The following DCHS2 variants were observed in gnomAD, a reference collection of about 807,000 sequenced individuals.
DCHS2 encodes the protein protocadherin-23.
A neutral mutation model predicts 182.4 loss-of-function variants in DCHS2; 142 were observed. That is an observed-to-expected ratio of 0.78 (90% CI 0.68 to 0.89). The LOEUF is 0.89. Among genes scored for constraint, DCHS2 ranks in the 40% least tolerant of loss-of-function variants. The probability of loss-of-function intolerance (pLI) is 0.00; values close to 1 mark genes in which losing one functional copy is unlikely to be tolerated. For missense variants in DCHS2, 4,319 were observed against 4,198.6 expected (o/e 1.03, Z -0.79); for synonymous variants, 1,740 against 1,663.3 (o/e 1.05, Z -1.12).
chr4:154,236,819 A>G lies in DCHS2; in HGVS notation c.7833T>C (p.Tyr2611=), dbSNP rs1731539125. ...GCAACACAAGATAACCGACTTGCTT[A>G]TAAGGATATTCTGAATGAAAGAACT... ...ETKFFHSEYP[Y]KQVGYLVLLH... is the part of the protein sequence containing the mutation. The change falls in exon 20 of 20, where the codon TAT becomes TAC. Residue 2611 remains tyrosine (Y), a synonymous_variant. Transcript: ENST00000357232. The G allele has an allele frequency of 6.2e-7, 1 of 1,614,056 alleles. No individual in the cohort carries two copies. Among genetic ancestry groups the G allele is most frequent in the Non-Finnish European group, 8.5e-7 (1 of 1,179,966 alleles).
In DCHS2 at chr4:154,315,728, T is replaced by C; in HGVS notation, c.5260+20A>G. ...TTTCTTTTAAGCATTAAATACCCAGTTTCTGTATTTCTAAATTACCTGAAT... is the reference window on the plus strand; with the variant it reads ...TTTCTTTTAAGCATTAAATACCCAGCTTCTGTATTTCTAAATTACCTGAAT... On this transcript the variant is annotated intron_variant, in intron 10 of 19. Coordinates refer to ENST00000357232, the MANE Select transcript of DCHS2 (RefSeq NM_001358235.2). 1.2e-6 allele frequency: 2 copies of C among 1,608,204 alleles called. No homozygotes were observed. Among genetic ancestry groups the C allele is most frequent in the South Asian group, 1.1e-5 (1 of 89,994 alleles).
intron 12 of DCHS2, among the ~76,000 whole-genome samples, chr4:154,302,819 T>C (rs887014789): frequency 4.8e-5 from 7 of 147,216 alleles, no homozygotes; most frequent in African/African-American, 1.7e-4. Flanking sequence ...ATATTTCATA[T>C]ATATATACTT....
chr4:154,323,380 A>G, intron 7 of DCHS2: 1 of 1,539,552 alleles, frequency 6.5e-7, no homozygotes. Flanking sequence ...CCCAGGCTGG[A>G]GCGCAATTGT....
chr4:154,422,020 C>T (rs953634588), intron 1 of DCHS2, among the ~76,000 whole-genome samples: 1 of 152,172 alleles, frequency 6.6e-6, no homozygotes, highest in Admixed American at 6.5e-5. Context: ...CTCTTTACTT[C>T]ATGTTGGAAA....
At chr4:154,366,465 T>G in intron 2 of DCHS2, 24 bp from the exon 3 acceptor site, 1 of 1,540,714 alleles carries the variant, frequency 6.5e-7, no homozygotes, top group Non-Finnish European at 8.9e-7. Context: ...GAGTGGTGAT[T>G]ACAAATGGGT....
chr4:154,324,124 T>C (rs1487560041), intron 7 of DCHS2, among the ~76,000 whole-genome samples: 1 of 152,252 alleles, frequency 6.6e-6, no homozygotes, highest in Non-Finnish European at 1.5e-5. Flanking sequence ...CCAACTATGA[T>C]AAGTAAAATT....
At chr4:154,368,201 G>A (rs893313771) in intron 2 of DCHS2, among the ~76,000 whole-genome samples, 3 of 152,158 alleles carry the variant, frequency 2.0e-5, no homozygotes, top group Admixed American at 6.5e-5. Flanking sequence ...GACGTAGTAA[G>A]AGGGGACTGC....
intron 3 of DCHS2, among the ~76,000 whole-genome samples, chr4:154,355,971 T>C (rs1729841110): frequency 6.6e-6 from 1 of 152,198 alleles, no homozygotes; most frequent in African/African-American, 2.4e-5. Context: ...CTTTTTATTA[T>C]TTTAGAGTGC....
chr4:154,441,573 T>C (rs1334643013), intron 1 of DCHS2, among the ~76,000 whole-genome samples: 1 of 149,204 alleles, frequency 6.7e-6, no homozygotes, highest in Admixed American at 6.7e-5. Context: ...AAAAGTTTTT[T>C]CCTATTTTCA....
intron 3 of DCHS2, among the ~76,000 whole-genome samples, chr4:154,338,464 T>C (rs1325686244): frequency 1.3e-5 from 2 of 152,194 alleles, no homozygotes; most frequent in Admixed American, 6.5e-5. Flanking sequence ...CACTACCTCA[T>C]TTTTACCTCT....
chr4:154,323,223 G>C (rs1388873737), intron 7 of DCHS2: 4 of 1,547,798 alleles, frequency 2.6e-6, no homozygotes, highest in Non-Finnish European at 3.5e-6. Context: ...GGCAGATCTA[G>C]AGAACTGACC....
intron 13 of DCHS2, among the ~76,000 whole-genome samples, chr4:154,288,300 T>G (rs1734499965): frequency 6.6e-6 from 1 of 152,168 alleles, no homozygotes; most frequent in African/African-American, 2.4e-5. Flanking sequence ...ACAATAGATT[T>G]CAACACAAAA....
intron 1 of DCHS2, among the ~76,000 whole-genome samples, chr4:154,403,526 A>C (rs1474950085): frequency 6.6e-6 from 1 of 152,066 alleles, no homozygotes; most frequent in Non-Finnish European, 1.5e-5. Context: ...CTTTTCATAC[A>C]TGATTGGATT....
intron 13 of DCHS2, among the ~76,000 whole-genome samples, chr4:154,274,865 T>C (rs1733764338): frequency 6.6e-6 from 1 of 151,830 alleles, no homozygotes; most frequent in South Asian, 2.1e-4. Context: ...CCATATCTGA[T>C]AGTGAGATTT....
At position 154,473,110 on chromosome 4, in the gene DCHS2, C is replaced by T. The variant is rs560737772; in HGVS notation, c.2052+16194G>A. ...GCCTACAGAAATGGGGAAAGCCAAT[C>T]GGGTGGGCTCTATCATCTCTTCAGC... On this transcript the variant is annotated intron_variant, in intron 1 of 19. Transcript: ENST00000357232. Among the ~76,000 whole-genome samples the T allele has an allele frequency of 7.2e-5, 11 of 152,270 alleles. No individual in the cohort carries two copies. In the South Asian group the frequency reaches 1.5e-3, roughly 20 times the overall value.
chr4:154,299,267 G>T (rs1294647938), intron 12 of DCHS2, among the ~76,000 whole-genome samples: 1 of 152,062 alleles, frequency 6.6e-6, no homozygotes, highest in African/African-American at 2.4e-5. Flanking sequence ...TAACACTTTG[G>T]TTAGAGTTAG....
chr4:154,236,462 A>G lies in DCHS2; in HGVS notation c.8190T>C (p.Tyr2730=), dbSNP rs1731511101. The G allele has an allele frequency of 4.3e-6, 7 of 1,613,816 alleles. No homozygotes were observed. Among genetic ancestry groups the G allele is most frequent in the Admixed American group, 1.7e-5 (1 of 59,982 alleles). The change falls in exon 20 of 20, where the codon TAT becomes TAC. Residue 2730 remains tyrosine, a synonymous_variant. Transcript: ENST00000357232. ...TTAAGGTGAATTTTGTCATTTTTTC[A>G]TAATCCAGAGGTTTAATCAAATAAA... The part of the protein sequence containing the change: ...GVLYLIKPLD[Y]EKMTKFTLTV...
rs1731682802 is a variant in DCHS2, at chr4:154,239,216, G to C, written c.7446C>G (p.Tyr2482Ter). The C allele has an allele frequency of 1.2e-6, 2 of 1,613,270 alleles. No homozygotes were observed. The highest frequency in any genetic ancestry group is 2.2e-5 in the South Asian group (2 of 91,072). The change falls in exon 19 of 20, where the codon TAC becomes TAG. Residue 2482 changes from tyrosine to a stop codon, truncating the protein, a stop_gained. Coordinates refer to ENST00000357232, the MANE Select transcript of DCHS2 (RefSeq NM_001358235.2). LOFTEE classifies it low-confidence loss of function (END_TRUNC). ...ATTCCTTAGAAGAGGATAGAATTCT[G>C]TAAGAAATGTTCTCATTGCTTTCTA... ...TDLESNENISYRILSSSKEFS... is the reference protein window; with the variant it reads ...TDLESNENIS
rs373297035 is a variant in DCHS2, at chr4:154,366,220, G to A, written c.2466C>T (p.Asp822=). 48 of 1,612,390 alleles carry A rather than the reference G, an allele frequency of 3.0e-5. No homozygotes were observed. Among genetic ancestry groups the A allele is most frequent in the Non-Finnish European group, 3.6e-5 (43 of 1,178,876 alleles). ...TCCAAGATCACATACCTGTGGTGGA[G>A]TCAATGGTAAAAAGGGACGACACGT... ...PGNVSSLFTI[D]STTGIIYLTL... The change falls in exon 3 of 20, where the codon GAC becomes GAT. Residue 822 remains aspartate, a synonymous_variant. Coordinates refer to ENST00000357232, the MANE Select transcript of DCHS2 (RefSeq NM_001358235.2).
Sources: allele counts gnomAD v4.1 joint callset (sites outside exome capture counted in the v4.1 genomes callset), GRCh38; gene constraint gnomAD v4.1.1; transcripts MANE v1.5; gene names NCBI Gene and HGNC (gene_info 2026-07-23, HGNC 2026-07-21).